The following LDAH variants were observed in gnomAD, a reference collection of about 807,000 sequenced individuals.
The protein encoded by LDAH is lipid droplet-associated hydrolase.
A neutral mutation model predicts 29.6 loss-of-function variants in LDAH; 26 were observed. That is an observed-to-expected ratio of 0.88 (90% CI 0.64 to 1.22). The LOEUF is 1.22. Among genes scored for constraint, LDAH ranks in the 50% most tolerant of loss-of-function variants. LDAH has a pLI of 0.00. For synonymous variants in LDAH, 117 were observed against 133.0 expected (o/e 0.88, Z 0.83); for missense variants, 344 against 387.3 (o/e 0.89, Z 0.94).
At chr2:20,761,387 T>C (rs904344828) in intron 4 of LDAH, among the ~76,000 whole-genome samples, 1 of 151,680 alleles carries the variant, frequency 6.6e-6, no homozygotes, top group Non-Finnish European at 1.5e-5. Context: ...CTTGTGGCTA[T>C]AAAAAAAAAT....
intron 4 of LDAH, among the ~76,000 whole-genome samples, chr2:20,748,138 C>T (rs746586071): frequency 6.6e-6 from 1 of 152,100 alleles, no homozygotes; most frequent in Non-Finnish European, 1.5e-5. Context: ...TGAGATCTTT[C>T]AACTACTGAT....
chr2:20,727,407 T>C (rs2149411594), intron 5 of LDAH, among the ~76,000 whole-genome samples: 1 of 152,334 alleles, frequency 6.6e-6, no homozygotes, highest in East Asian at 1.9e-4. Context: ...TATGTTGTCA[T>C]CTCATTTAAT....
At chr2:20,701,915 C>T (rs1180863268) in intron 5 of LDAH, among the ~76,000 whole-genome samples, 1 of 152,176 alleles carries the variant, frequency 6.6e-6, no homozygotes, top group African/African-American at 2.4e-5. Context: ...AGCCCAATGT[C>T]AGATACCACA....
At chr2:20,773,023 A>G (rs913915950) in intron 4 of LDAH, among the ~76,000 whole-genome samples, 2 of 152,186 alleles carry the variant, frequency 1.3e-5, no homozygotes, top group East Asian at 3.9e-4. Context: ...AGAAATGTGT[A>G]TTGTTTTACA....
intron 6 of LDAH, 93 bp downstream of exon 6, chr2:20,701,477 A>C: frequency 1.0e-6 from 1 of 1,004,866 alleles, no homozygotes; most frequent in Admixed American, 1.8e-5. Flanking sequence ...CAACCCTTAA[A>C]GTCTTACAGA....
chr2:20,792,823 G>A (rs1671064371), intron 2 of LDAH, among the ~76,000 whole-genome samples: 1 of 152,140 alleles, frequency 6.6e-6, no homozygotes, highest in African/African-American at 2.4e-5. Flanking sequence ...AAACCTAGAT[G>A]ATGGGTTGAC....
chr2:20,744,004 G>A lies in LDAH; in HGVS notation c.469-3799C>T, dbSNP rs540503828. Among the ~76,000 whole-genome samples the A allele has an allele frequency of 4.0e-5, 6 of 151,692 alleles. No individual in the cohort carries two copies. In the East Asian group the frequency reaches 1.2e-3, roughly 29 times the overall value. ...TCAATCTACTGATAAGCCCATCAAA[G>A]CCATTTTTATTTTACGGTGTTTTTA... is the stretch of plus-strand genomic sequence containing the variant. On this transcript the variant is annotated intron_variant, in intron 4 of 6. Coordinates refer to ENST00000237822, the MANE Select transcript of LDAH (RefSeq NM_021925.4).
At chr2:20,816,718 G>C (rs1168160774) in intron 1 of LDAH, among the ~76,000 whole-genome samples, 1 of 151,828 alleles carries the variant, frequency 6.6e-6, no homozygotes, top group Non-Finnish European at 1.5e-5. Flanking sequence ...CACCATCAAT[G>C]AACAGGACAT....
chr2:20,703,514 A>G (rs1426907660), intron 5 of LDAH, among the ~76,000 whole-genome samples: 1 of 152,242 alleles, frequency 6.6e-6, no homozygotes, highest in Non-Finnish European at 1.5e-5. Context: ...TCTTACTTAA[A>G]TAATATACTT....
chr2:20,782,097 C>G (rs1670234281), intron 3 of LDAH, among the ~76,000 whole-genome samples: 1 of 152,134 alleles, frequency 6.6e-6, no homozygotes, highest in Non-Finnish European at 1.5e-5. Flanking sequence ...GGCAGTGGTT[C>G]TGAAAATGTG....
intron 3 of LDAH, among the ~76,000 whole-genome samples, chr2:20,786,258 C>T (rs1021704909): frequency 6.6e-6 from 1 of 152,058 alleles, no homozygotes; most frequent in Non-Finnish European, 1.5e-5. Context: ...GGCACTATCT[C>T]GGCTCACTGC....
At chr2:20,802,096 G>A (rs181909416) in intron 1 of LDAH, among the ~76,000 whole-genome samples, 24 of 150,832 alleles carry the variant, frequency 1.6e-4, no homozygotes, top group African/African-American at 4.9e-4. Flanking sequence ...ACATATATAC[G>A]TTGCCCAGGC....
intron 5 of LDAH, among the ~76,000 whole-genome samples, chr2:20,709,684 A>G (rs1254616659): frequency 6.6e-6 from 1 of 152,226 alleles, no homozygotes; most frequent in Non-Finnish European, 1.5e-5. Context: ...AAGTCCACAA[A>G]AAACTTGTAC....
intron 5 of LDAH, among the ~76,000 whole-genome samples, chr2:20,739,158 A>G (rs1198925128): frequency 6.6e-6 from 1 of 152,240 alleles, no homozygotes; most frequent in East Asian, 1.9e-4. Flanking sequence ...CTTTTGAGGA[A>G]CACAGGTAAA....
chr2:20,740,426 G>A (rs934763301), intron 4 of LDAH, among the ~76,000 whole-genome samples: 1 of 151,904 alleles, frequency 6.6e-6, no homozygotes. Flanking sequence ...CTCCCACCTC[G>A]GCCTCCCAAG....
chr2:20,716,831 T>G (rs1182373769), intron 5 of LDAH, among the ~76,000 whole-genome samples: 1 of 103,400 alleles, frequency 9.7e-6, no homozygotes. Flanking sequence ...TTGCCAACAA[T>G]CTGAGCAATT....
chr2:20,718,475 A>AAT (rs1665407614), intron 5 of LDAH, among the ~76,000 whole-genome samples: 1 of 152,194 alleles, frequency 6.6e-6, no homozygotes, highest in South Asian at 2.1e-4. Flanking sequence ...TACATTAATA[A>AAT]ATATATATGT....
chr2:20,790,482 T>C, intron 2 of LDAH, 84 bp from the exon 3 acceptor site: 3 of 1,157,454 alleles, frequency 2.6e-6, no homozygotes, highest in Admixed American at 4.4e-5. Context: ...GATGGGTCTG[T>C]TTCTTTTCAC....
At chr2:20,752,877 T>C (rs1278567935) in intron 4 of LDAH, among the ~76,000 whole-genome samples, 1 of 152,230 alleles carries the variant, frequency 6.6e-6, no homozygotes, top group African/African-American at 2.4e-5. Context: ...GAGTCTCACT[T>C]TCTGATAACT....
Sources: gnomAD v4.1 joint callset for allele counts (sites outside exome capture counted in the v4.1 genomes callset) on GRCh38, gnomAD v4.1.1 for gene constraint, MANE v1.5 for transcripts, NCBI Gene and HGNC (gene_info 2026-07-23, HGNC 2026-07-21) for gene names.